Variants in RSU1 observed in about 807,000 individuals in gnomAD.
RSU1 encodes rsu-1.
RSU1 carries 26 observed loss-of-function variants against 31.1 expected under a neutral mutation model. The ratio of observed to expected loss-of-function variants is 0.84; its 90% confidence interval spans 0.61 to 1.16. The LOEUF is 1.16. RSU1 is among the 50% of genes most tolerant of loss of function. The pLI is 0.00. For synonymous variants in RSU1, 164 were observed against 136.3 expected, an observed-to-expected ratio of 1.20 and a Z score of -1.41; for missense variants, 320 against 339.1, an observed-to-expected ratio of 0.94 and a Z score of 0.44.
At chr10:16,647,191 C>T (rs1834588107) in intron 8 of RSU1, among the ~76,000 whole-genome samples, 2 of 118,052 alleles carry the variant, frequency 1.7e-5, no homozygotes, top group African/African-American at 3.2e-5. Context: ...CCAGGATAGC[C>T]TCAATCTCCT....
In RSU1 at chr10:16,594,407, C is replaced by T. The variant is rs187308583; in HGVS notation, c.732-911G>A. On this transcript the variant is annotated intron_variant, in intron 8 of 8. Coordinates refer to ENST00000345264, the MANE Select transcript of RSU1 (RefSeq NM_012425.4). The stretch of plus-strand genomic sequence containing the variant: ...GGGCTGTTTAGCATATACTGGCGTC[C>T]GGCATTTTTTTTTTTTTCCTGAGTG... Among the ~76,000 whole-genome samples the T allele has an allele frequency of 1.6e-3, 247 of 150,682 alleles. 1 individual carries two copies. The Middle Eastern group carries it at 0.017, about 11-fold the overall frequency.
chr10:16,799,363 C>T (rs59575119), intron 2 of RSU1, among the ~76,000 whole-genome samples: 16,831 of 152,058 alleles, frequency 0.11, 2,464 homozygotes, highest in African/African-American at 0.34. Context: ...ACCACCATAC[C>T]GAAATCTAGA....
At chr10:16,730,812 C>T (rs1836493345) in intron 7 of RSU1, among the ~76,000 whole-genome samples, 1 of 152,104 alleles carries the variant, frequency 6.6e-6, no homozygotes, top group Admixed American at 6.5e-5. Flanking sequence ...TGGAATCACA[C>T]TGTAAAGCAA....
chr10:16,672,234 C>T (rs1426625915), intron 8 of RSU1, among the ~76,000 whole-genome samples: 3 of 151,608 alleles, frequency 2.0e-5, no homozygotes, highest in Admixed American at 2.0e-4. Context: ...GGCGTGAACC[C>T]GGGAGGCAGA....
At chr10:16,622,540 A>G (rs1256159870) in intron 8 of RSU1, among the ~76,000 whole-genome samples, 3 of 152,204 alleles carry the variant, frequency 2.0e-5, no homozygotes, top group Non-Finnish European at 2.9e-5. Flanking sequence ...AGGGCTACAG[A>G]GGGTTTACAC....
intron 8 of RSU1, among the ~76,000 whole-genome samples, chr10:16,675,575 A>C (rs907071741): frequency 3.9e-5 from 6 of 152,218 alleles, no homozygotes; most frequent in Non-Finnish European, 8.8e-5. Context: ...AGAGACAAGA[A>C]AAGGAAAATT....
intron 8 of RSU1, among the ~76,000 whole-genome samples, chr10:16,616,676 G>A (rs2131473650): frequency 1.3e-5 from 2 of 152,334 alleles, no homozygotes; most frequent in Non-Finnish European, 2.9e-5. Context: ...CCAAGGTCAA[G>A]TAGGCTTCAC....
chr10:16,686,727 G>T (rs1472361842), intron 8 of RSU1, among the ~76,000 whole-genome samples: 1 of 152,122 alleles, frequency 6.6e-6, no homozygotes, highest in African/African-American at 2.4e-5. Context: ...GAGGGGACTG[G>T]AATAGGAGGA....
At chr10:16,692,101 C>T (rs1228570136) in intron 8 of RSU1, among the ~76,000 whole-genome samples, 1 of 152,126 alleles carries the variant, frequency 6.6e-6, no homozygotes, top group Non-Finnish European at 1.5e-5. Flanking sequence ...AAAAGGTAAT[C>T]CAAGGCTCCA....
Position 16,752,649 on chromosome 10 carries a change from C to A in RSU1, c.488G>T (p.Ser163Ile). ...CGAGATCAGGTCGTTATCCCTAAGG[C>A]TGAGCTAAACAGAAGAAAACAAGTT... ...IGKLTKLQIL[S>I]LRDNDLISLP... Residue 163 changes from serine (S) to isoleucine (I), a missense_variant, in exon 7 of 9, where the codon AGC (serine) becomes ATC (isoleucine). Coordinates refer to ENST00000345264, the MANE Select transcript of RSU1 (RefSeq NM_012425.4). 1 of 1,610,320 alleles carries A rather than the reference C, an allele frequency of 6.2e-7. No homozygotes were observed. Among genetic ancestry groups the A allele is most frequent in the Non-Finnish European group, 8.5e-7 (1 of 1,176,850 alleles).
chr10:16,639,895 C>T (rs1162079490), intron 8 of RSU1, among the ~76,000 whole-genome samples: 1 of 152,178 alleles, frequency 6.6e-6, no homozygotes, highest in African/African-American at 2.4e-5. Context: ...TTTTATCTCA[C>T]CAGCGAGCTT....
At chr10:16,737,999 G>A (rs570568301) in intron 7 of RSU1, among the ~76,000 whole-genome samples, 16 of 152,240 alleles carry the variant, frequency 1.1e-4, no homozygotes, top group African/African-American at 3.1e-4. Flanking sequence ...GGATATCTCC[G>A]AATACTTGAA....
rs1393520187 is a variant in RSU1 at position 16,775,338 on chromosome 10, T to G, written c.160+6696A>C. ...GTGACAGGCTTACACTCCCCCGTCT[T>G]ATTTTCTCCACAGCCTGCCACCGTT... is the stretch of plus-strand genomic sequence containing the variant. On this transcript the variant is annotated intron_variant, in intron 3 of 8. Coordinates refer to ENST00000345264, the MANE Select transcript of RSU1 (RefSeq NM_012425.4). Among the ~76,000 whole-genome samples the G allele has an allele frequency of 2.6e-5, 4 of 152,194 alleles. No homozygotes were observed. The East Asian group carries it at 7.7e-4, about 29-fold the overall frequency.
chr10:16,776,385 TGA>T lies in RSU1; in HGVS notation c.160+5647_160+5648del, dbSNP rs148170481. Among the ~76,000 whole-genome samples, 312 of 152,280 alleles carry T rather than the reference TGA, an allele frequency of 2.0e-3. 7 individuals carry two copies. The East Asian group carries it at 0.05, about 24-fold the overall frequency. The stretch of plus-strand genomic sequence containing the variant: ...TTCTATGTACTTAGAATATTATCTT[TGA>T]TAAATAAATTATTGAAACCACCAAA... On this transcript the variant is annotated intron_variant, in intron 3 of 8. Coordinates refer to ENST00000345264, the MANE Select transcript of RSU1 (RefSeq NM_012425.4).
At chr10:16,651,233 T>A (rs547941161) in intron 8 of RSU1, among the ~76,000 whole-genome samples, 1 of 152,348 alleles carries the variant, frequency 6.6e-6, no homozygotes, top group East Asian at 1.9e-4. Context: ...ATCAATGATA[T>A]GAAGCAACCT....
intron 4 of RSU1, 83 bp from the exon 5 acceptor site, chr10:16,755,072 C>A: frequency 1.3e-6 from 1 of 772,420 alleles, no homozygotes; most frequent in South Asian, 1.6e-5. Flanking sequence ...GTTTCAGACG[C>A]TGAAAGTGTA....
In RSU1 at chr10:16,648,575, T is replaced by G. The variant is rs541363376; in HGVS notation, c.731+46448A>C. ...TGAAAGGGCAGGAAGGGGACAACAG[T>G]GAAGAAGGGAGATGAACAGATGGCT... On this transcript the variant is annotated intron_variant, in intron 8 of 8. Coordinates refer to ENST00000345264, the MANE Select transcript of RSU1 (RefSeq NM_012425.4). 1.3e-4 allele frequency among the ~76,000 whole-genome samples: 20 copies of G among 152,178 alleles called. No homozygotes were observed. In the South Asian group the frequency reaches 3.7e-3, roughly 28 times the overall value.
At chr10:16,640,950 C>T (rs1260128878) in intron 8 of RSU1, among the ~76,000 whole-genome samples, 1 of 152,208 alleles carries the variant, frequency 6.6e-6, no homozygotes, top group Non-Finnish European at 1.5e-5. Flanking sequence ...AATGGGTCCT[C>T]CCACAGCATT....
chr10:16,758,506 A>G (rs1343000575), intron 4 of RSU1, among the ~76,000 whole-genome samples: 1 of 152,242 alleles, frequency 6.6e-6, no homozygotes, highest in African/African-American at 2.4e-5. Context: ...GGTAGGAGAC[A>G]GCTAGGTGAG....
Sources: allele counts gnomAD v4.1 joint callset (sites outside exome capture counted in the v4.1 genomes callset), GRCh38; gene constraint gnomAD v4.1.1; transcripts MANE v1.5; gene names NCBI Gene and HGNC (gene_info 2026-07-23, HGNC 2026-07-21).